MESD: variants seen among roughly 807,000 people sequenced by gnomAD.
MESD encodes the protein mesoderm development LRP chaperone, also known as LRP chaperone MESD.
In MESD, 7 loss-of-function variants were observed where a neutral mutation model predicts 12.9. The ratio of observed to expected loss-of-function variants is 0.54; its 90% CI spans 0.31 to 1.02. MESD has a LOEUF of 1.02. Among genes scored for constraint, MESD ranks in the 50% least tolerant of loss-of-function variants. MESD has a pLI of 0.05. For synonymous variants in MESD, 126 were observed against 115.6 expected (o/e 1.09, Z -0.58); for missense variants, 342 against 296.7 (o/e 1.15, Z -1.12).
chr15:80,950,360 C>CT (rs1399974383), intron 4 of MESD: 1 of 152,342 alleles, frequency 6.6e-6, no homozygotes, highest in Non-Finnish European at 1.5e-5. Flanking sequence ...CCAGGCACTC[C>CT]TGAGGTAGCT....
chr15:80,963,011 A>G (rs1361640775), intron 3 of MESD, among the ~76,000 whole-genome samples: 1 of 152,218 alleles, frequency 6.6e-6, no homozygotes, highest in Admixed American at 6.5e-5. Context: ...AGATAGAGAC[A>G]CAAAAAACCC....
At chr15:80,984,935 C>T (rs929264326) in intron 1 of MESD, among the ~76,000 whole-genome samples, 3 of 152,180 alleles carry the variant, frequency 2.0e-5, no homozygotes, top group South Asian at 2.1e-4. Context: ...TCCATACCGA[C>T]GTCAGACCTG....
chr15:80,951,547 G>A (rs1784937260), intron 4 of MESD: 2 of 152,606 alleles, frequency 1.3e-5, no homozygotes, highest in Admixed American at 1.3e-4. Context: ...GTGTTTGTAT[G>A]TAAACATTTC....
intron 3 of MESD, among the ~76,000 whole-genome samples, chr15:80,959,050 G>T (rs755950251): frequency 5.9e-5 from 9 of 152,198 alleles, no homozygotes; most frequent in Admixed American, 5.2e-4. Context: ...CCGGTGAGAG[G>T]CTCCAAGAGA....
rs1483718244 is a variant in MESD, at chr15:80,979,251, T to C, written c.673A>G (p.Asn225Asp). 1 of 1,613,870 alleles carries C rather than the reference T, an allele frequency of 6.2e-7. No homozygotes were observed. Among genetic ancestry groups the C allele is most frequent in the Non-Finnish European group, 8.5e-7 (1 of 1,180,008 alleles). ...TCTTCTCTTTTATTCCCAGCTCGATTTTCTTCCTTGGAAGACCGAGATTTC... is the reference window on the plus strand; with the variant it reads ...TCTTCTCTTTTATTCCCAGCTCGATCTTCTTCCTTGGAAGACCGAGATTTC... ...DLKSRSSKEENRAGNKREDL is the reference protein window; with the variant it reads ...DLKSRSSKEEDRAGNKREDL The change falls in exon 3 of 3, where the codon AAT becomes GAT. Residue 225 changes from asparagine (N) to aspartate (D), a missense_variant. Physicochemically the swap from Asn to Asp is conservative, Grantham distance 23. Coordinates refer to ENST00000261758, the MANE Select transcript of MESD (RefSeq NM_015154.3).
At position 80,977,847 on chromosome 15, in the gene MESD, A is replaced by G. The variant is rs553504309; in HGVS notation, c.*1372T>C. On this transcript the variant is annotated 3_prime_UTR_variant, in exon 3 of 3. Transcript: ENST00000261758. ...TCAGGGCCTAGTACCCTAGTACGGTAGATCACACAGGCCTCACCCTGGAGA... is the reference window on the plus strand; with the variant it reads ...TCAGGGCCTAGTACCCTAGTACGGTGGATCACACAGGCCTCACCCTGGAGA... 1 of 152,400 alleles carries G rather than the reference A, an allele frequency of 6.6e-6. No individual in the cohort carries two copies. The highest frequency in any genetic ancestry group is 2.4e-5 in the African/African-American group (1 of 41,578). 9.4% of individuals were successfully genotyped at this position (152,400 alleles called of 1,614,324 possible). A position where few individuals can be genotyped will look rare whatever the true frequency, so the allele number is the denominator to read the frequency against.
intron 3 of MESD, among the ~76,000 whole-genome samples, chr15:80,967,812 T>C (rs1430480933): frequency 2.6e-5 from 4 of 152,164 alleles, no homozygotes; most frequent in Admixed American, 2.6e-4. Context: ...AAAACAAAAA[T>C]TGCCCTAGGT....
Position 80,989,580 on chromosome 15 carries a change from T to C in MESD, c.212A>G (p.Glu71Gly), listed in dbSNP as rs866446988. 6.2e-6 allele frequency: 10 copies of C among 1,612,728 alleles called. No individual in the cohort carries two copies. The highest frequency in any genetic ancestry group is 8.5e-6 in the Non-Finnish European group (10 of 1,179,256). ...ADMARLLEQW[E>G]KDDDIEEGDL... is the part of the protein sequence containing the mutation. The stretch of plus-strand genomic sequence containing the variant: ...GGAGGGTGTGCGCGCGCCGCGGACC[T>C]CCCATTGCTCCAGAAGACGCGCCAT... The change falls in exon 1 of 3, where the codon GAG (glutamate) becomes GGG (glycine). Residue 71 changes from glutamate (E) to glycine (G), a missense_variant and splice_region_variant. By Grantham distance (98) the Glu-to-Gly change is moderately conservative. Transcript: ENST00000261758.
rs1291749009 is a variant in MESD at position 80,983,150 on chromosome 15, C to G, written c.214-968G>C. On this transcript the variant is annotated intron_variant, in intron 1 of 2. Transcript: ENST00000261758. ...CCTAGCTACTCAGGAGGCTGAGACA[C>G]GAGGATCACTTGAGCCCAGGAGATC... 5.3e-5 allele frequency among the ~76,000 whole-genome samples: 8 copies of G among 151,068 alleles called. No individual in the cohort carries two copies. In the South Asian group the frequency reaches 1.0e-3, roughly 20 times the overall value.
intron 3 of MESD, among the ~76,000 whole-genome samples, chr15:80,956,086 A>C (rs928848749): frequency 2.0e-5 from 3 of 152,070 alleles, no homozygotes; most frequent in African/African-American, 7.2e-5. Flanking sequence ...ACTACTCAGC[A>C]GGCTGAGGTG....
chr15:80,989,480 T>C (rs1487992162), intron 1 of MESD, 99 bp downstream of exon 1: 2 of 1,356,366 alleles, frequency 1.5e-6, no homozygotes, highest in Non-Finnish European at 2.0e-6. Flanking sequence ...TAGAGGAGGT[T>C]AGGGGGTCAG....
rs1902399768 is a variant in MESD at position 80,975,881 on chromosome 15, AT to A, written c.*3337del. 6.6e-6 allele frequency: 1 copy of A among 152,194 alleles called. No homozygotes were observed. The highest frequency in any genetic ancestry group is 1.5e-5 in the Non-Finnish European group (1 of 68,028). 9.4% of individuals were successfully genotyped at this position (152,194 alleles called of 1,614,324 possible). ...CTATTTGGGAGGCTGTGGTGGGAAG[AT>A]CAATTGAGCCGGTAGGTAGAGACTT... On this transcript the variant is annotated 3_prime_UTR_variant, in exon 3 of 3. Transcript: ENST00000261758.
intron 1 of MESD, 60 bp from the exon 2 acceptor site, chr15:80,982,242 C>A (rs1902602325): frequency 2.2e-6 from 3 of 1,376,214 alleles, no homozygotes; most frequent in Non-Finnish European, 1.0e-6. Flanking sequence ...TCAACTGGCA[C>A]AGGCAAAAAC....
At chr15:80,970,138 A>G (rs1160651789) in intron 3 of MESD, among the ~76,000 whole-genome samples, 1 of 152,246 alleles carries the variant, frequency 6.6e-6, no homozygotes, top group East Asian at 1.9e-4. Context: ...GTTAATTAAA[A>G]TAATAGCTGA....
rs1902596094 is a variant in MESD, at chr15:80,982,081, CA to C, written c.314del (p.Leu105Ter). Reference protein sequence around the residue: ...KIDPSKPESILKMTKKGKTLM... With the variant: ...KIDPSKPESIXKMTKKGKTLM... Reference sequence around the variant, plus strand: ...GAGTCTTCCCTTTTTTCGTCATTTTCAATATGCTTTCAGGCTTGCTTGGGTC... The same window carrying C: ...GAGTCTTCCCTTTTTTCGTCATTTTCATATGCTTTCAGGCTTGCTTGGGTC... On this transcript the variant is annotated frameshift_variant, in exon 2 of 3. Transcript: ENST00000261758. LOFTEE classifies it high-confidence loss of function. The C allele has an allele frequency of 6.2e-7, 1 of 1,613,938 alleles. No homozygotes were observed. The highest frequency in any genetic ancestry group is 1.7e-5 in the Admixed American group (1 of 59,982).
chr15:80,954,364 T>C lies in MESD; in HGVS notation c.*289-2068A>G, dbSNP rs145441930. Among the ~76,000 whole-genome samples, 164 of 152,306 alleles carry C rather than the reference T, an allele frequency of 1.1e-3. 2 individuals are homozygous for C. The highest frequency in any genetic ancestry group is 1.8e-3 in the Admixed American group (28 of 15,308). On this transcript the variant is annotated intron_variant, in intron 3 of 4. Coordinates refer to the MESD transcript ENST00000561312. ...TGAACAAAGGCATAAAAGCCGACCC[T>C]AGCGCAACCCTCCTGCCTCCAGTAC...
chr15:80,952,022 A>G (rs909064101), exon 4 of MESD: 4 of 356,626 alleles, frequency 1.1e-5, no homozygotes, highest in South Asian at 8.3e-5. Flanking sequence ...GAAAGAGAAG[A>G]TATCATTCAT....
chr15:80,953,064 G>C, intron 3 of MESD: 1 of 456,040 alleles, frequency 2.2e-6, no homozygotes, highest in Non-Finnish European at 4.4e-6. Flanking sequence ...ATAAGAGAAG[G>C]GCCTTTTGTA....
chr15:80,969,122 C>T (rs915767032), intron 3 of MESD, among the ~76,000 whole-genome samples: 2 of 152,086 alleles, frequency 1.3e-5, no homozygotes, highest in South Asian at 2.1e-4. Context: ...GCCTGGAGGT[C>T]GAGGCTGCAG....
Sources: gnomAD v4.1 joint callset for allele counts (sites outside exome capture counted in the v4.1 genomes callset) on GRCh38, gnomAD v4.1.1 for gene constraint, MANE v1.5 for transcripts, NCBI Gene and HGNC (gene_info 2026-07-23, HGNC 2026-07-21) for gene names.